The following DDX31 variants were observed in gnomAD, a reference collection of about 807,000 sequenced individuals.
DDX31 encodes the protein ATP-dependent DNA helicase DDX31.
A neutral mutation model predicts 91.3 loss-of-function variants in DDX31; 70 were observed. The observed-to-expected ratio is 0.77, with a 90% CI of 0.63 to 0.94. The LOEUF (loss-of-function observed/expected upper bound fraction) is 0.94, where lower values mean the gene tolerates loss of function less well. DDX31 is among the 40% of genes least tolerant of loss of function. The probability of loss-of-function intolerance (pLI) is 0.00; values close to 1 mark genes in which losing one functional copy is unlikely to be tolerated. For missense variants in DDX31, 902 were observed against 925.0 expected (o/e 0.98, Z 0.32); for synonymous variants, 362 against 350.6 (o/e 1.03, Z -0.36).
intron 7 of DDX31, among the ~76,000 whole-genome samples, chr9:132,651,937 C>T (rs1378556672): frequency 6.6e-6 from 1 of 152,050 alleles, no homozygotes; most frequent in Non-Finnish European, 1.5e-5. Context: ...AAGTGATTAG[C>T]ATTTGATATA....
intron 12 of DDX31, 144 bp downstream of exon 12, chr9:132,646,675 GATGT>G: frequency 1.4e-6 from 1 of 691,762 alleles, no homozygotes; most frequent in Non-Finnish European, 2.5e-6. Context: ...TGACTGAAAG[GATGT>G]ATATCAAAGT....
At chr9:132,650,667 C>A (rs1393302606) in intron 8 of DDX31, among the ~76,000 whole-genome samples, 3 of 152,164 alleles carry the variant, frequency 2.0e-5, no homozygotes, top group Admixed American at 6.5e-5. Context: ...ACTCTCCACC[C>A]CTAATAAAAG....
At chr9:132,659,680 GA>G in intron 5 of DDX31, 29 bp downstream of exon 5, 1 of 1,592,078 alleles carries the variant, frequency 6.3e-7, no homozygotes. Context: ...CTGAGCAGAT[GA>G]AAAAGGGCAG....
chr9:132,629,033 G>A (rs1176971673), intron 16 of DDX31, among the ~76,000 whole-genome samples: 1 of 152,232 alleles, frequency 6.6e-6, no homozygotes, highest in Non-Finnish European at 1.5e-5. Context: ...TGGTACACCC[G>A]CCCTGGTGGG....
chr9:132,602,228 C>T (rs1032611575), intron 19 of DDX31, among the ~76,000 whole-genome samples: 2 of 152,244 alleles, frequency 1.3e-5, no homozygotes, highest in Admixed American at 6.5e-5. Context: ...GGCTGCAAGG[C>T]ACTGGGACGC....
chr9:132,645,838 C>A, intron 13 of DDX31, 57 bp downstream of exon 13: 1 of 1,545,286 alleles, frequency 6.5e-7, no homozygotes, highest in Admixed American at 1.8e-5. Flanking sequence ...CTCAGGTTCG[C>A]CCCCATCTCC....
In DDX31 at chr9:132,593,590, A is replaced by T. The variant is rs954492897; in HGVS notation, c.*1276T>A. ...TTCCACCTGCAGAGGATCCAGTCTC[A>T]CTAGGCTCCTCCTTGCCCTCACACT... On this transcript the variant is annotated 3_prime_UTR_variant, in exon 20 of 20. Coordinates refer to ENST00000372159, the MANE Select transcript of DDX31 (RefSeq NM_022779.9). The T allele has an allele frequency of 6.6e-6, 1 of 152,154 alleles. No individual in the cohort carries two copies. Among genetic ancestry groups the T allele is most frequent in the African/African-American group, 2.4e-5 (1 of 41,416 alleles). 9.4% of individuals were successfully genotyped at this position (152,154 alleles called of 1,614,324 possible).
At chr9:132,659,158 T>C (rs1318699854) in intron 5 of DDX31, among the ~76,000 whole-genome samples, 2 of 152,168 alleles carry the variant, frequency 1.3e-5, no homozygotes, top group Non-Finnish European at 2.9e-5. Context: ...CTAGAGCTAA[T>C]CTCTAATTGC....
chr9:132,632,239 TGTACACACACACACACACAC>T (rs757226581), intron 14 of DDX31, 148 bp from the exon 15 acceptor site: 1,260 of 53,456 alleles, frequency 0.024, 129 homozygotes, highest in South Asian at 0.043. Context: ...GCCCAGTACG[TGTACACACACACACACACAC>T]ACACACACAC....
At chr9:132,621,348 T>C (rs1832020149) in intron 17 of DDX31, among the ~76,000 whole-genome samples, 2 of 152,252 alleles carry the variant, frequency 1.3e-5, no homozygotes, top group South Asian at 4.1e-4. Context: ...CCATGGTCCC[T>C]AGAACCTTCT....
In DDX31 at chr9:132,658,267, A is replaced by G. The variant is rs374349978; in HGVS notation, c.588+404T>C. On this transcript the variant is annotated intron_variant, in intron 6 of 19. Coordinates refer to ENST00000372159, the MANE Select transcript of DDX31 (RefSeq NM_022779.9). ...GCAGCCAAACAGAACTGAGGTAGAA[A>G]TCCAGTTCCTCCATTACTTGCTGCA... The G allele has an allele frequency of 2.6e-5, 18 of 702,940 alleles. 1 individual carries two copies. Among genetic ancestry groups the G allele is most frequent in the African/African-American group, 1.4e-4 (8 of 57,264 alleles). 43.5% of individuals were successfully genotyped at this position (702,940 alleles called of 1,614,324 possible).
intron 17 of DDX31, among the ~76,000 whole-genome samples, chr9:132,624,952 C>T (rs1202687272): frequency 6.6e-6 from 1 of 152,166 alleles, no homozygotes; most frequent in Non-Finnish European, 1.5e-5. Flanking sequence ...CATCCTCAGG[C>T]ATACAAAAAC....
chr9:132,651,323 T>C (rs1474446708), intron 7 of DDX31, among the ~76,000 whole-genome samples: 26 of 152,190 alleles, frequency 1.7e-4, no homozygotes, highest in Admixed American at 1.6e-3. Context: ...AGACAACACT[T>C]CTATTTCTTG....
At chr9:132,660,068 G>A (rs1435842666) in intron 4 of DDX31, among the ~76,000 whole-genome samples, 3 of 152,128 alleles carry the variant, frequency 2.0e-5, no homozygotes, top group African/African-American at 7.2e-5. Flanking sequence ...GACTGCAGTG[G>A]CTCACACCTG....
chr9:132,638,831 T>C (rs1381325618), intron 14 of DDX31, among the ~76,000 whole-genome samples: 3 of 152,218 alleles, frequency 2.0e-5, no homozygotes, highest in Non-Finnish European at 4.4e-5. Flanking sequence ...AACAGCGTAA[T>C]TGTGAACTTC....
chr9:132,661,147 G>A (rs891885299), intron 4 of DDX31, 61 bp downstream of exon 4: 2 of 1,466,780 alleles, frequency 1.4e-6, no homozygotes, highest in African/African-American at 2.8e-5. Flanking sequence ...TGCACACACA[G>A]GTTTCGTCCG....
At chr9:132,635,608 A>G (rs569055167) in intron 14 of DDX31, among the ~76,000 whole-genome samples, 2 of 151,216 alleles carry the variant, frequency 1.3e-5, no homozygotes, top group African/African-American at 4.8e-5. Flanking sequence ...TGGCCTGTAC[A>G]TAGCTTTTTT....
intron 13 of DDX31, 120 bp from the exon 14 acceptor site, chr9:132,642,183 G>A (rs564580940): frequency 1.1e-6 from 1 of 870,856 alleles, no homozygotes; most frequent in East Asian, 2.6e-5. Context: ...GCACAGAGAG[G>A]TTTGCCAGGA....
At position 132,593,442 on chromosome 9, in the gene DDX31, C is replaced by T. The variant is rs867537312; in HGVS notation, c.*1424G>A. The T allele has an allele frequency of 6.6e-6, 1 of 152,232 alleles. No homozygotes were observed. The highest frequency in any genetic ancestry group is 1.5e-5 in the Non-Finnish European group (1 of 68,040). The allele number at this position is 152,232 out of a possible 1,614,324, so 9.4% of individuals were successfully genotyped here. A position where few individuals can be genotyped will look rare whatever the true frequency, so the allele number is the denominator to read the frequency against. Reference sequence around the variant, plus strand: ...ATCGAAATAAAAGAAAGGTGGCAGACTTGCCCAACGCCAGGCTGACATGTG... The same window carrying T: ...ATCGAAATAAAAGAAAGGTGGCAGATTTGCCCAACGCCAGGCTGACATGTG... On this transcript the variant is annotated 3_prime_UTR_variant, in exon 20 of 20. Transcript: ENST00000372159.
Sources: gnomAD v4.1 joint callset for allele counts (sites outside exome capture counted in the v4.1 genomes callset) on GRCh38, gnomAD v4.1.1 for gene constraint, MANE v1.5 for transcripts, NCBI Gene and HGNC (gene_info 2026-07-23, HGNC 2026-07-21) for gene names.